Variants in ESR2 observed in about 807,000 individuals in gnomAD.
The protein encoded by ESR2 is estrogen receptor beta.
A neutral mutation model predicts 49.6 loss-of-function variants in ESR2; 36 were observed. The observed-to-expected ratio is 0.73, with a 90% CI of 0.56 to 0.96. The LOEUF is 0.96. Among genes scored for constraint, ESR2 ranks in the 40% least tolerant of loss-of-function variants. The pLI is 0.00. For synonymous variants in ESR2, 320 were observed against 266.1 expected (o/e 1.20, Z -1.97); for missense variants, 714 against 693.0 (o/e 1.03, Z -0.34).
At chr14:64,233,368 C>T (rs2098729183) in intron 8 of ESR2, 45 bp from the exon 9 acceptor site, 10 of 1,575,732 alleles carry the variant, frequency 6.3e-6, no homozygotes, top group Non-Finnish European at 8.7e-6. Flanking sequence ...CCGAGGCAGC[C>T]ACAGGAACCC....
At chr14:64,314,874 T>C (rs1596486132) in intron 1 of ESR2, among the ~76,000 whole-genome samples, 1 of 90,198 alleles carries the variant, frequency 1.1e-5, no homozygotes, top group Non-Finnish European at 2.0e-5. Flanking sequence ...CAAGACTCCG[T>C]CTCAAAAAAA....
At chr14:64,287,643 G>C (rs6573553) in intron 1 of ESR2, among the ~76,000 whole-genome samples, 14 of 151,886 alleles carry the variant, frequency 9.2e-5, no homozygotes, top group South Asian at 2.1e-4. Flanking sequence ...GGGAAGAAAT[G>C]ATGAACTTAC....
At chr14:64,282,479 G>C in intron 2 of ESR2, 145 bp downstream of exon 2, 2 of 787,378 alleles carry the variant, frequency 2.5e-6, no homozygotes, top group East Asian at 5.2e-5. Context: ...ATAGAACAGG[G>C]CATCCTGTGT....
intron 1 of ESR2, among the ~76,000 whole-genome samples, chr14:64,317,774 A>G (rs1379512053): frequency 6.6e-6 from 1 of 152,260 alleles, no homozygotes; most frequent in East Asian, 1.9e-4. Context: ...TCATATCAAT[A>G]GACACAGAAA....
intron 2 of ESR2, among the ~76,000 whole-genome samples, chr14:64,282,293 C>T (rs780819910): frequency 6.6e-6 from 1 of 152,090 alleles, no homozygotes; most frequent in African/African-American, 2.4e-5. Flanking sequence ...TGCAGTGAGC[C>T]GCAATCGTGC....
chr14:64,307,070 A>G (rs2077111342), intron 1 of ESR2, among the ~76,000 whole-genome samples: 1 of 151,932 alleles, frequency 6.6e-6, no homozygotes, highest in Admixed American at 6.6e-5. Flanking sequence ...GTTTTTCATA[A>G]TATTCTCTAA....
intron 1 of ESR2, among the ~76,000 whole-genome samples, chr14:64,325,885 ATG>A (rs2077383899): frequency 1.3e-5 from 2 of 152,186 alleles, no homozygotes; most frequent in Admixed American, 1.3e-4. Flanking sequence ...CATACAAAAT[ATG>A]TGTTAGTCAA....
chr14:64,328,500 C>G (rs1480159217), intron 1 of ESR2, among the ~76,000 whole-genome samples: 1 of 152,070 alleles, frequency 6.6e-6, no homozygotes, highest in East Asian at 1.9e-4. Context: ...AGAAACCATC[C>G]TTTTTAAGAA....
intron 1 of ESR2, among the ~76,000 whole-genome samples, chr14:64,313,783 G>C (rs1372926860): frequency 1.3e-5 from 2 of 151,194 alleles, no homozygotes; most frequent in African/African-American, 4.9e-5. Flanking sequence ...GGAGGCTGAG[G>C]TAGGAGAATG....
intron 1 of ESR2, among the ~76,000 whole-genome samples, chr14:64,309,061 A>G (rs2077150969): frequency 6.6e-6 from 1 of 152,232 alleles, no homozygotes; most frequent in Non-Finnish European, 1.5e-5. Flanking sequence ...TGAGGATCAA[A>G]TAACATACCT....
rs2075751739 is a variant in ESR2 at position 64,242,448 on chromosome 14, A to AAAC, written c.1225+7097_1225+7098insGTT. On this transcript the variant is annotated intron_variant, in intron 7 of 8. Coordinates refer to ENST00000341099, the MANE Select transcript of ESR2 (RefSeq NM_001437.3). Reference sequence around the variant, plus strand: ...AAAACAAAACAAACAAACAAACAAAAAAAATATATATATATATATAAAATC... The same window carrying AAAC: ...AAAACAAAACAAACAAACAAACAAAAAACAAAATATATATATATATATAAAATC... Among the ~76,000 whole-genome samples the AAAC allele has an allele frequency of 2.2e-5, 3 of 139,508 alleles. No individual in the cohort carries two copies. In the South Asian group the frequency reaches 6.6e-4, roughly 31 times the overall value. 91.5% of individuals were successfully genotyped at this position (139,508 alleles called of 152,430 possible).
downstream of ESR2, chr14:64,227,278 G>GTCA (rs2098722248): frequency 5.9e-6 from 3 of 509,888 alleles, no homozygotes; most frequent in African/African-American, 5.9e-5. Context: ...CCCCTCATGG[G>GTCA]TGAGACATCT....
intron 8 of ESR2, chr14:64,233,580 T>G: frequency 2.2e-6 from 1 of 452,308 alleles, no homozygotes; most frequent in Non-Finnish European, 4.0e-6. Flanking sequence ...CAATCCTCAT[T>G]GTTTGCGGTA....
intron 7 of ESR2, among the ~76,000 whole-genome samples, chr14:64,238,760 A>AC (rs1206595678): frequency 6.6e-6 from 1 of 152,018 alleles, no homozygotes; most frequent in Admixed American, 6.5e-5. Context: ...TAGTTTAAAA[A>AC]AAAAAAACAA....
chr14:64,283,198 A>G (rs2076716653), intron 1 of ESR2, 123 bp from the exon 2 acceptor site: 4 of 418,236 alleles, frequency 9.6e-6, no homozygotes, highest in African/African-American at 6.0e-5. Context: ...CCTGAAAAAT[A>G]TACATGAAAA....
downstream of ESR2, chr14:64,228,068 A>C (rs1031235784): frequency 3.6e-6 from 5 of 1,381,786 alleles, no homozygotes; most frequent in African/African-American, 6.0e-5. Context: ...ATCAATCACA[A>C]GTGTGAGATT....
At chr14:64,268,691 T>A (rs1242057711) in intron 4 of ESR2, 104 bp downstream of exon 4, 4 of 709,362 alleles carry the variant, frequency 5.6e-6, no homozygotes, top group East Asian at 2.5e-5. Context: ...ACTTAATTAC[T>A]ATGTCCCAAA....
chr14:64,249,575 C>G lies in ESR2; in HGVS notation c.1196G>C (p.Cys399Ser). The G allele has an allele frequency of 6.2e-7, 1 of 1,613,974 alleles. No individual in the cohort carries two copies. The highest frequency in any genetic ancestry group is 8.5e-7 in the Non-Finnish European group (1 of 1,179,954). The change falls in exon 7 of 9, where the codon TGT (cysteine) becomes TCT (serine). Residue 399 changes from cysteine to serine, a missense_variant. Coordinates refer to ENST00000341099, the MANE Select transcript of ESR2 (RefSeq NM_001437.3). ...ATTGAGCAGGATCATGGCCTTGACA[C>G]AGAGATATTCTTTGTGTTGGAGTTT... ...ELKLQHKEYL[C>S]VKAMILLNSS...
At chr14:64,247,344 CAAACAAAA>C (rs1021447051) in intron 7 of ESR2, among the ~76,000 whole-genome samples, 12 of 151,760 alleles carry the variant, frequency 7.9e-5, no homozygotes, top group African/African-American at 2.9e-4. Context: ...AACAAACAAA[CAAACAAAA>C]AAACTAGTGC....
Sources: gnomAD v4.1 joint callset for allele counts (sites outside exome capture counted in the v4.1 genomes callset) on GRCh38, gnomAD v4.1.1 for gene constraint, MANE v1.5 for transcripts, NCBI Gene and HGNC (gene_info 2026-07-23, HGNC 2026-07-21) for gene names.